FNIP1: variants seen among roughly 807,000 people sequenced by gnomAD.
The protein encoded by FNIP1 is folliculin interacting protein 1.
FNIP1 carries 40 observed loss-of-function variants against 124.5 expected under a neutral mutation model. That is an observed-to-expected ratio of 0.32 (90% CI 0.25 to 0.42). The LOEUF is 0.42. Ranked by LOEUF, FNIP1 falls within the 10% of genes least tolerant of loss-of-function variation. FNIP1 has a pLI of 1.00. For missense variants in FNIP1, 1,176 were observed against 1,403.7 expected (o/e 0.84, Z 2.59); for synonymous variants, 472 against 470.6 (o/e 1.00, Z -0.04).
At chr5:131,663,906 G>T (rs968991717) in intron 15 of FNIP1, among the ~76,000 whole-genome samples, 11 of 152,176 alleles carry the variant, frequency 7.2e-5, no homozygotes, top group Non-Finnish European at 1.5e-4. Flanking sequence ...GGTTTTGATG[G>T]GAGGCTATAA....
intron 1 of FNIP1, among the ~76,000 whole-genome samples, chr5:131,784,507 G>C (rs1467964522): frequency 6.6e-6 from 1 of 152,062 alleles, no homozygotes; most frequent in Admixed American, 6.6e-5. Flanking sequence ...ATAATAAACA[G>C]TATATTTAAT....
intron 15 of FNIP1, among the ~76,000 whole-genome samples, chr5:131,654,718 T>C (rs139360756): frequency 3.3e-5 from 5 of 152,258 alleles, no homozygotes; most frequent in Non-Finnish European, 5.9e-5. Flanking sequence ...AGTGTATAGA[T>C]AGGACTACTG....
At position 131,695,104 on chromosome 5, in the gene FNIP1, CAAATAAATAAATAAAT is replaced by C. The variant is rs72306515; in HGVS notation, c.1202+3797_1202+3812del. ...TGGGCCACAGAGTGAGACACTGTCT[CAAATAAATAAATAAAT>C]AAATAAATAAATAAATAAATAAATA... On this transcript the variant is annotated intron_variant, in intron 11 of 17. Coordinates refer to ENST00000510461, the MANE Select transcript of FNIP1 (RefSeq NM_133372.3). Among the ~76,000 whole-genome samples the C allele has an allele frequency of 3.1e-3, 434 of 137,848 alleles. 2 individuals carry two copies. Among genetic ancestry groups the C allele is most frequent in the Admixed American group, 9.9e-3 (135 of 13,638 alleles). The allele number at this position is 137,848 out of a possible 152,430, so 90.4% of individuals were successfully genotyped here.
At chr5:131,663,226 T>C (rs186075755) in intron 15 of FNIP1, among the ~76,000 whole-genome samples, 31 of 152,326 alleles carry the variant, frequency 2.0e-4, no homozygotes, top group African/African-American at 6.7e-4. Flanking sequence ...TTTAAAAGAA[T>C]TTTTCTCTTG....
rs60617618 is a variant in FNIP1 at position 131,794,229 on chromosome 5, T to TAA, written c.92+2599_92+2600dup. On this transcript the variant is annotated intron_variant, in intron 1 of 17. Coordinates refer to ENST00000510461, the MANE Select transcript of FNIP1 (RefSeq NM_133372.3). ...CCTGAGCAACAAGTGAGACTCCATCTAAAAAAAAAAAAAAAAAAAAAAAAA... is the reference window on the plus strand; with the variant it reads ...CCTGAGCAACAAGTGAGACTCCATCTAAAAAAAAAAAAAAAAAAAAAAAAAAA... Among the ~76,000 whole-genome samples the TAA allele has an allele frequency of 5.8e-4, 28 of 48,440 alleles. 1 individual carries two copies. Among genetic ancestry groups the TAA allele is most frequent in the East Asian group, 1.2e-3 (2 of 1,708 alleles). 31.8% of individuals were successfully genotyped at this position (48,440 alleles called of 152,430 possible).
At chr5:131,735,203 G>A (rs566732941) in intron 2 of FNIP1, among the ~76,000 whole-genome samples, 39 of 151,360 alleles carry the variant, frequency 2.6e-4, no homozygotes, top group South Asian at 4.1e-4. Flanking sequence ...GCAAACTATC[G>A]CAAGGACAAA....
At chr5:131,724,427 A>G (rs1013270922) in intron 3 of FNIP1, among the ~76,000 whole-genome samples, 7 of 152,138 alleles carry the variant, frequency 4.6e-5, no homozygotes, top group African/African-American at 1.7e-4. Context: ...TGCTTATCTC[A>G]TCATGGTTTT....
intron 2 of FNIP1, among the ~76,000 whole-genome samples, chr5:131,740,232 C>G (rs1277081015): frequency 6.6e-6 from 1 of 152,168 alleles, no homozygotes; most frequent in East Asian, 1.9e-4. Context: ...GAATGTCTCA[C>G]TTTTATGTGT....
At position 131,783,167 on chromosome 5, in the gene FNIP1, T is replaced by C. The variant is rs971463599; in HGVS notation, c.92+13663A>G. On this transcript the variant is annotated intron_variant, in intron 1 of 17. Coordinates refer to ENST00000510461, the MANE Select transcript of FNIP1 (RefSeq NM_133372.3). ...ATATCACCTGTGTATGCTTATATAC[T>C]ATGAAGTTCCCTTTCCTAACCCCAT... Among the ~76,000 whole-genome samples, 4 of 152,204 alleles carry C rather than the reference T, an allele frequency of 2.6e-5. No homozygotes were observed. In the East Asian group the frequency reaches 7.7e-4, roughly 29 times the overall value.
intron 12 of FNIP1, among the ~76,000 whole-genome samples, chr5:131,678,805 G>A (rs1767986012): frequency 6.6e-6 from 1 of 152,116 alleles, no homozygotes; most frequent in Non-Finnish European, 1.5e-5. Context: ...TCTACAATAT[G>A]TCAGGAATTT....
Position 131,739,832 on chromosome 5 carries a change from A to AAAAAAC in FNIP1, c.219+4726_219+4731dup, listed in dbSNP as rs1561683715. 2.1e-4 allele frequency among the ~76,000 whole-genome samples: 31 copies of AAAAAAC among 149,546 alleles called. 1 individual carries two copies. Among genetic ancestry groups the AAAAAAC allele is most frequent in the African/African-American group, 5.6e-4 (22 of 39,620 alleles). ...CAGCTCAAAAAAAAAAAAAAAAAAA[A>AAAAAAC]AAAAACACTGTTTTAGATACTGAGA... On this transcript the variant is annotated intron_variant, in intron 2 of 17. Coordinates refer to ENST00000510461, the MANE Select transcript of FNIP1 (RefSeq NM_133372.3).
At chr5:131,687,281 T>C (rs966382442) in intron 11 of FNIP1, among the ~76,000 whole-genome samples, 4 of 152,048 alleles carry the variant, frequency 2.6e-5, no homozygotes, top group Non-Finnish European at 4.4e-5. Flanking sequence ...AATTTTTGTA[T>C]TGTTTGTAGA....
At chr5:131,706,775 T>G (rs983027599) in intron 8 of FNIP1, among the ~76,000 whole-genome samples, 1 of 152,168 alleles carries the variant, frequency 6.6e-6, no homozygotes, top group Non-Finnish European at 1.5e-5. Flanking sequence ...CTTTTGGCAT[T>G]CCCCTCTAGG....
chr5:131,739,477 C>T lies in FNIP1; in HGVS notation c.219+5087G>A, dbSNP rs150369211. 3.2e-3 allele frequency among the ~76,000 whole-genome samples: 481 copies of T among 152,188 alleles called. 2 individuals are homozygous for T. The highest frequency in any genetic ancestry group is 0.011 in the African/African-American group (458 of 41,510). ...AACGTATTTGGATGTATTTCTGATC[C>T]TCTATTTTGTTCCATTAGTCTATTG... On this transcript the variant is annotated intron_variant, in intron 2 of 17. Transcript: ENST00000510461.
At chr5:131,668,794 C>T (rs1360208378) in intron 15 of FNIP1, among the ~76,000 whole-genome samples, 1 of 152,142 alleles carries the variant, frequency 6.6e-6, no homozygotes, top group Non-Finnish European at 1.5e-5. Context: ...ATGAACATAG[C>T]CAGAAGCATA....
At chr5:131,792,818 T>C (rs540472392) in intron 1 of FNIP1, among the ~76,000 whole-genome samples, 1 of 151,900 alleles carries the variant, frequency 6.6e-6, no homozygotes, top group East Asian at 1.9e-4. Flanking sequence ...GTCCCACCTC[T>C]GAAAAAACAC....
Position 131,652,696 on chromosome 5 carries a change from A to T in FNIP1, c.3109-697T>A, listed in dbSNP as rs113350420. On this transcript the variant is annotated intron_variant, in intron 15 of 17. Coordinates refer to ENST00000510461, the MANE Select transcript of FNIP1 (RefSeq NM_133372.3). ...CAGGACAGGACAGATGACATGGTTCACATCTATATAATCCCAGCACACTGG... is the reference window on the plus strand; with the variant it reads ...CAGGACAGGACAGATGACATGGTTCTCATCTATATAATCCCAGCACACTGG... Among the ~76,000 whole-genome samples, 472 of 152,260 alleles carry T rather than the reference A, an allele frequency of 3.1e-3. 1 individual carries two copies. Among genetic ancestry groups the T allele is most frequent in the African/African-American group, 0.011 (451 of 41,538 alleles).
At chr5:131,693,635 T>C (rs979448996) in intron 11 of FNIP1, among the ~76,000 whole-genome samples, 1 of 151,378 alleles carries the variant, frequency 6.6e-6, no homozygotes, top group South Asian at 2.1e-4. Context: ...AGACAGAAAA[T>C]TACACTGGAG....
chr5:131,738,199 G>T (rs1454684528), intron 2 of FNIP1, among the ~76,000 whole-genome samples: 1 of 151,930 alleles, frequency 6.6e-6, no homozygotes, highest in African/African-American at 2.4e-5. Flanking sequence ...CTTAATTATG[G>T]ATAAGGGAGA....
Sources: gnomAD v4.1 joint callset for allele counts (sites outside exome capture counted in the v4.1 genomes callset) on GRCh38, gnomAD v4.1.1 for gene constraint, MANE v1.5 for transcripts, NCBI Gene and HGNC (gene_info 2026-07-23, HGNC 2026-07-21) for gene names.